The following USP12 variants were observed in gnomAD, a reference collection of about 807,000 sequenced individuals.
USP12 encodes the protein ubiquitin carboxyl-terminal hydrolase 12.
A neutral mutation model predicts 45.5 loss-of-function variants in USP12; 19 were observed. The observed-to-expected ratio is 0.42, with a 90% CI of 0.29 to 0.61. The LOEUF (loss-of-function observed/expected upper bound fraction) is 0.61, where lower values mean the gene tolerates loss of function less well. Among genes scored for constraint, USP12 ranks in the 20% least tolerant of loss-of-function variants. The probability of loss-of-function intolerance (pLI) is 0.22; values close to 1 mark genes in which losing one functional copy is unlikely to be tolerated. For synonymous variants in USP12, 149 were observed against 148.8 expected, an observed-to-expected ratio of 1.00 and a Z score of -0.01; for missense variants, 242 against 447.7, an observed-to-expected ratio of 0.54 and a Z score of 4.15.
chr13:27,157,668 T>C (rs923501933), intron 1 of USP12, among the ~76,000 whole-genome samples: 1 of 150,416 alleles, frequency 6.6e-6, no homozygotes, highest in Non-Finnish European at 1.5e-5. Context: ...TATTTCTCTC[T>C]TGTTATTTTA....
chr13:27,167,036 T>C (rs917002727), intron 1 of USP12, among the ~76,000 whole-genome samples: 1 of 152,144 alleles, frequency 6.6e-6, no homozygotes, highest in Non-Finnish European at 1.5e-5. Context: ...CTCAAGTTTT[T>C]TAAAAAGTTA....
At chr13:27,089,556 G>A in intron 6 of USP12, 1 of 198,908 alleles carries the variant, frequency 5.0e-6, no homozygotes, top group Admixed American at 5.4e-5. Flanking sequence ...GGGCAATGGG[G>A]AGTGCTATCT....
intron 3 of USP12, among the ~76,000 whole-genome samples, chr13:27,105,318 G>A (rs1004557127): frequency 3.3e-5 from 5 of 152,042 alleles, no homozygotes; most frequent in African/African-American, 1.2e-4. Context: ...TAAAATGGGG[G>A]AAATGACATG....
At chr13:27,105,602 G>A in intron 3 of USP12, 129 bp downstream of exon 3, 1 of 846,302 alleles carries the variant, frequency 1.2e-6, no homozygotes, top group Non-Finnish European at 1.8e-6. Context: ...AGAAAGGCGT[G>A]TCATCCTTGT....
chr13:27,118,532 C>T (rs1875845350), intron 1 of USP12, among the ~76,000 whole-genome samples: 1 of 152,106 alleles, frequency 6.6e-6, no homozygotes, highest in African/African-American at 2.4e-5. Context: ...AGCCCTACTA[C>T]CCCTCACCCT....
intron 1 of USP12, among the ~76,000 whole-genome samples, chr13:27,152,342 T>C (rs1166355412): frequency 1.3e-5 from 2 of 152,182 alleles, no homozygotes; most frequent in Non-Finnish European, 2.9e-5. Flanking sequence ...TAAATGAACC[T>C]TGAAAACACG....
chr13:27,122,879 G>A (rs1876062465), intron 1 of USP12, among the ~76,000 whole-genome samples: 1 of 151,902 alleles, frequency 6.6e-6, no homozygotes, highest in Non-Finnish European at 1.5e-5. Flanking sequence ...AGATCAAGAG[G>A]TCAGGAGATT....
intron 1 of USP12, among the ~76,000 whole-genome samples, chr13:27,152,330 C>T (rs1035181521): frequency 6.6e-6 from 1 of 152,182 alleles, no homozygotes; most frequent in Non-Finnish European, 1.5e-5. Context: ...CATGTTACAA[C>T]ATAAATGAAC....
chr13:27,133,223 A>C (rs1876594749), intron 1 of USP12, among the ~76,000 whole-genome samples: 1 of 151,958 alleles, frequency 6.6e-6, no homozygotes, highest in Non-Finnish European at 1.5e-5. Context: ...CTTAACGCAA[A>C]CACCACACTC....
At chr13:27,157,617 T>C (rs1346972351) in intron 1 of USP12, among the ~76,000 whole-genome samples, 6 of 152,256 alleles carry the variant, frequency 3.9e-5, no homozygotes, top group Non-Finnish European at 8.8e-5. Context: ...ACAAAATTAC[T>C]GAAACATTAA....
chr13:27,085,894 G>C (rs9551356), intron 6 of USP12, among the ~76,000 whole-genome samples: 55,427 of 151,792 alleles, frequency 0.37, 10,829 homozygotes, highest in South Asian at 0.62. Flanking sequence ...CAGCAGGCGT[G>C]GTATCTAGCT....
chr13:27,096,740 A>C (rs937693804), intron 3 of USP12, among the ~76,000 whole-genome samples: 1 of 152,240 alleles, frequency 6.6e-6, no homozygotes, highest in Admixed American at 6.5e-5. Flanking sequence ...GTATAAGCCC[A>C]CACACAAGAA....
chr13:27,084,995 A>G (rs187487726), intron 6 of USP12, among the ~76,000 whole-genome samples: 1 of 152,270 alleles, frequency 6.6e-6, no homozygotes. Flanking sequence ...CATTTTAACA[A>G]TATTAAGTCT....
At chr13:27,127,910 A>C (rs933069494) in intron 1 of USP12, among the ~76,000 whole-genome samples, 5 of 152,226 alleles carry the variant, frequency 3.3e-5, no homozygotes, top group Admixed American at 6.5e-5. Context: ...CTGCTAAATA[A>C]CTAAGCCAAA....
At chr13:27,108,093 T>C (rs1311670726) in intron 2 of USP12, among the ~76,000 whole-genome samples, 4 of 152,236 alleles carry the variant, frequency 2.6e-5, no homozygotes, top group Admixed American at 6.5e-5. Context: ...CATATGTTTA[T>C]TGCGGCACTA....
intron 1 of USP12, among the ~76,000 whole-genome samples, chr13:27,121,786 G>C (rs1345961841): frequency 6.6e-6 from 1 of 151,970 alleles, no homozygotes; most frequent in African/African-American, 2.4e-5. Context: ...GCGCGAACCT[G>C]GGAGGCAGAG....
Position 27,071,060 on chromosome 13 carries a change from A to T in USP12, c.1011+11T>A, listed in dbSNP as rs1180125787. ...CAACTTTCAAAAATAAGAAATTAAG[A>T]AACTACTTACTTCTACAATGTCGTC... On this transcript the variant is annotated intron_variant, in intron 8 of 8. Coordinates refer to ENST00000282344, the MANE Select transcript of USP12 (RefSeq NM_182488.4). The T allele has an allele frequency of 6.3e-7, 1 of 1,591,928 alleles. No individual in the cohort carries two copies. The highest frequency in any genetic ancestry group is 8.5e-7 in the Non-Finnish European group (1 of 1,173,792).
intron 1 of USP12, among the ~76,000 whole-genome samples, chr13:27,119,340 G>A (rs1457158426): frequency 2.0e-5 from 3 of 152,120 alleles, no homozygotes; most frequent in Admixed American, 6.5e-5. Flanking sequence ...TCCCCCACAC[G>A]GCCTAACAAC....
intron 1 of USP12, among the ~76,000 whole-genome samples, chr13:27,162,357 A>C (rs1177951854): frequency 6.6e-6 from 1 of 152,184 alleles, no homozygotes; most frequent in Non-Finnish European, 1.5e-5. Flanking sequence ...AAAAGGAGTA[A>C]TTTTGTCTCA....
Sources: gnomAD v4.1 joint callset for allele counts (sites outside exome capture counted in the v4.1 genomes callset) on GRCh38, gnomAD v4.1.1 for gene constraint, MANE v1.5 for transcripts, NCBI Gene and HGNC (gene_info 2026-07-23, HGNC 2026-07-21) for gene names.